TFAP2A: variants seen among roughly 807,000 people sequenced by gnomAD.
TFAP2A encodes transcription factor AP-2 alpha, also known as transcription factor AP-2-alpha.
A neutral mutation model predicts 41.5 loss-of-function variants in TFAP2A; 7 were observed. That is an observed-to-expected ratio of 0.17 (90% CI 0.10 to 0.32). TFAP2A has a LOEUF of 0.32. TFAP2A is among the 10% of genes least tolerant of loss of function. TFAP2A has a pLI of 1.00. For synonymous variants in TFAP2A, 247 were observed against 242.8 expected, an observed-to-expected ratio of 1.02 and a Z score of -0.16; for missense variants, 416 against 563.3, an observed-to-expected ratio of 0.74 and a Z score of 2.65.
At chr6:10,415,205 C>A, upstream of TFAP2A, 7 of 1,472,936 alleles carry the variant, frequency 4.8e-6, no homozygotes, top group Non-Finnish European at 5.4e-6. Flanking sequence ...AGGAGAAGGG[C>A]GAGGAGGAGG....
At chr6:10,417,581 G>A (rs879463828), upstream of TFAP2A, among the ~76,000 whole-genome samples, 8 of 152,222 alleles carry the variant, frequency 5.3e-5, no homozygotes, top group Admixed American at 1.3e-4. Context: ...ATCCAGGCCT[G>A]ACGTGGGGGG....
chr6:10,409,862 G>A (rs1037188272), intron 2 of TFAP2A, 39 bp downstream of exon 2: 3 of 1,545,540 alleles, frequency 1.9e-6, no homozygotes, highest in Non-Finnish European at 2.6e-6. Context: ...GTAAGTAGGG[G>A]GCTGTGTTCC....
At chr6:10,409,030 G>T (rs142371806) in intron 2 of TFAP2A, 153 of 152,310 alleles carry the variant, frequency 1.0e-3, no homozygotes, top group African/African-American at 3.4e-3. Flanking sequence ...ATTTCAGGAG[G>T]GTTGTGAGGA....
chr6:10,397,844 C>T lies in TFAP2A; in HGVS notation c.*573G>A. 1.0e-6 allele frequency: 1 copy of T among 986,452 alleles called. No individual in the cohort carries two copies. Among genetic ancestry groups the T allele is most frequent in the Non-Finnish European group, 1.2e-6 (1 of 831,014 alleles). 61.1% of individuals were successfully genotyped at this position (986,452 alleles called of 1,614,324 possible). ...AAAACTTCTACAACTGAAGACATGA[C>T]ATGGAACTTCGTGTATTTGTGTTCA... On this transcript the variant is annotated 3_prime_UTR_variant, in exon 7 of 7. Coordinates refer to ENST00000379613, the MANE Select transcript of TFAP2A (RefSeq NM_001372066.1).
At chr6:10,409,742 C>T (rs1390990291) in intron 2 of TFAP2A, 159 bp downstream of exon 2, 1 of 867,650 alleles carries the variant, frequency 1.2e-6, no homozygotes, top group Non-Finnish European at 1.8e-6. Context: ...TTGTGTGGTT[C>T]CTCAAAACGT....
Position 10,398,400 on chromosome 6 carries a change from G to A in TFAP2A, c.*17C>T, listed in dbSNP as rs1231856814. ...GGGGCTGGTGAGGCGTGGGAGGGGC[G>A]GGGCGGGAGGAGAGCCTCACTTTCT... On this transcript the variant is annotated 3_prime_UTR_variant, in exon 7 of 7. Transcript: ENST00000379613. The surrounding 1 kb of genome is among the most constrained non-coding windows in gnomAD (Gnocchi z 5.3). The A allele has an allele frequency of 4.3e-6, 7 of 1,612,628 alleles. No individual in the cohort carries two copies. The highest frequency in any genetic ancestry group is 1.7e-5 in the Admixed American group (1 of 59,960).
intron 1 of TFAP2A, chr6:10,412,911 G>A (rs776272310): frequency 6.5e-6 from 1 of 152,976 alleles, no homozygotes; most frequent in African/African-American, 2.4e-5. Context: ...GGCTCTCTGG[G>A]GCCGGGGATT....
At chr6:10,403,522 G>T (rs921432460) in intron 4 of TFAP2A, among the ~76,000 whole-genome samples, 1 of 152,174 alleles carries the variant, frequency 6.6e-6, no homozygotes, top group Non-Finnish European at 1.5e-5. Flanking sequence ...GCGGGATATA[G>T]CCACTAGAAA....
upstream of TFAP2A, chr6:10,417,192 T>C (rs538369937): frequency 6.6e-6 from 1 of 152,484 alleles, no homozygotes; most frequent in East Asian, 1.9e-4. Flanking sequence ...ACTCCAAGTT[T>C]CGCTTTCTTG....
intron 3 of TFAP2A, 197 bp from the exon 4 acceptor site, chr6:10,404,936 G>A: frequency 1.6e-6 from 1 of 609,898 alleles, no homozygotes; most frequent in Non-Finnish European, 2.9e-6. Flanking sequence ...CTCACCCGGC[G>A]GCCGGGAGGC....
chr6:10,417,347 G>C (rs1758283115), upstream of TFAP2A: 2 of 152,252 alleles, frequency 1.3e-5, no homozygotes, highest in Admixed American at 6.5e-5. Context: ...TTCCCGCCGA[G>C]GGCGCCATTG....
rs1343697822 is a variant in TFAP2A, at chr6:10,414,088, C to T, written c.51+853G>A. Among the ~76,000 whole-genome samples the T allele has an allele frequency of 3.3e-5, 5 of 152,222 alleles. No individual in the cohort carries two copies. The South Asian group carries it at 6.2e-4, about 19-fold the overall frequency. ...CTGCGTTTTAAAATGGGTTCCAAAGCGGCGCGCTCTGTCGGCCCAGCGGGC... is the reference window on the plus strand; with the variant it reads ...CTGCGTTTTAAAATGGGTTCCAAAGTGGCGCGCTCTGTCGGCCCAGCGGGC... On this transcript the variant is annotated intron_variant, in intron 1 of 6. Transcript: ENST00000379613.
chr6:10,398,372 CG>C lies in TFAP2A; in HGVS notation c.*44del, dbSNP rs774267757. 1.7e-5 allele frequency: 16 copies of C among 943,916 alleles called. No individual in the cohort carries two copies. The Admixed American group carries it at 2.5e-4, about 15-fold the overall frequency. 58.5% of individuals were successfully genotyped at this position (943,916 alleles called of 1,614,324 possible). On this transcript the variant is annotated 3_prime_UTR_variant, in exon 7 of 7. Transcript: ENST00000379613. This position sits in a 1 kb window ranked among gnomAD's most constrained non-coding sequence, Gnocchi z 5.3. Reference sequence around the variant, plus strand: ...TGTCACCCGCCGGAGGGTGGGCGCGCGGGGGGCTGGTGAGGCGTGGGAGGGG... The same window carrying C: ...TGTCACCCGCCGGAGGGTGGGCGCGCGGGGGCTGGTGAGGCGTGGGAGGGG...
chr6:10,411,378 G>C (rs554417782), intron 1 of TFAP2A, among the ~76,000 whole-genome samples: 25 of 152,000 alleles, frequency 1.6e-4, no homozygotes, highest in Non-Finnish European at 1.5e-5. Flanking sequence ...GCTGGGGTAG[G>C]GGGTAATGCA....
chr6:10,412,122 G>A (rs1055051744), intron 1 of TFAP2A: 47 of 995,794 alleles, frequency 4.7e-5, no homozygotes, highest in Non-Finnish European at 5.6e-5. Flanking sequence ...CGCCGGAGCC[G>A]GCTCTCAATG....
At chr6:10,417,586 G>T (rs376524918), upstream of TFAP2A, among the ~76,000 whole-genome samples, 1 of 152,196 alleles carries the variant, frequency 6.6e-6, no homozygotes, top group Admixed American at 6.5e-5. Context: ...GGCCTGACGT[G>T]GGGGGCATAA....
chr6:10,414,879 A>G, intron 1 of TFAP2A, 62 bp downstream of exon 1: 1 of 1,604,900 alleles, frequency 6.2e-7, no homozygotes, highest in South Asian at 1.1e-5. Flanking sequence ...GAGGAGGAGG[A>G]GAGGGAGGGT....
At position 10,404,098 on chromosome 6, in the gene TFAP2A, G is replaced by A. The variant is rs142993938; in HGVS notation, c.770+410C>T. Among the ~76,000 whole-genome samples, 1,230 of 152,354 alleles carry A rather than the reference G, an allele frequency of 8.1e-3. 49 individuals carry two copies. Among genetic ancestry groups the A allele is most frequent in the Admixed American group, 0.06 (921 of 15,306 alleles). On this transcript the variant is annotated intron_variant, in intron 4 of 6. Transcript: ENST00000379613. ...AGAGGTAAGGCAAAGCGAGGAGCCT[G>A]AGAGGAACTTTTCCTGGGCTTGCAA... is the stretch of plus-strand genomic sequence containing the variant.
rs1761847545 is a variant in TFAP2A at position 10,398,069 on chromosome 6, TTTG to T, written c.*345_*347del. 7.8e-6 allele frequency: 9 copies of T among 1,156,402 alleles called. No individual in the cohort carries two copies. Among genetic ancestry groups the T allele is most frequent in the South Asian group, 5.3e-5 (2 of 37,610 alleles). 71.6% of individuals were successfully genotyped at this position (1,156,402 alleles called of 1,614,324 possible). ...TTGTTGTTGTTGTTGCTGTTGTTGA[TTTG>T]TTGTTTTGTTTAAAAAAAAAAGGGT... On this transcript the variant is annotated 3_prime_UTR_variant, in exon 7 of 7. Transcript: ENST00000379613. This position sits in a 1 kb window ranked among gnomAD's most constrained non-coding sequence, Gnocchi z 5.3.
Sources: allele counts gnomAD v4.1 joint callset (sites outside exome capture counted in the v4.1 genomes callset), GRCh38; gene constraint gnomAD v4.1.1; non-coding constraint Gnocchi (gnomAD v3.1); transcripts MANE v1.5; gene names NCBI Gene and HGNC (gene_info 2026-07-23, HGNC 2026-07-21).